The following ADAM32 variants were observed in gnomAD, a reference collection of about 807,000 sequenced individuals.
The protein encoded by ADAM32 is ADAM metallopeptidase domain 32.
In ADAM32, 89 loss-of-function variants were observed where a neutral mutation model predicts 114.9. The ratio of observed to expected loss-of-function variants is 0.77; its 90% confidence interval spans 0.65 to 0.92. The LOEUF is 0.92. ADAM32 is among the 40% of genes least tolerant of loss of function. The pLI is 0.00. For synonymous variants in ADAM32, 285 were observed against 307.5 expected (o/e 0.93, Z 0.77); for missense variants, 870 against 932.8 (o/e 0.93, Z 0.88).
chr8:39,169,590 C>T (rs749356397), intron 9 of ADAM32: 2 of 178,556 alleles, frequency 1.1e-5, no homozygotes, highest in Non-Finnish European at 2.3e-5. Flanking sequence ...CGATTTGTCA[C>T]TGTCACTCAA....
intron 11 of ADAM32, among the ~76,000 whole-genome samples, chr8:39,205,867 G>A (rs768519828): frequency 6.6e-6 from 1 of 151,960 alleles, no homozygotes; most frequent in Non-Finnish European, 1.5e-5. Flanking sequence ...TTTTTCAGAC[G>A]TTTCATAGAT....
chr8:39,172,574 T>C (rs190420646), intron 10 of ADAM32, among the ~76,000 whole-genome samples: 1 of 152,306 alleles, frequency 6.6e-6, no homozygotes, highest in Non-Finnish European at 1.5e-5. Context: ...AGTGAGAACA[T>C]GCAGTGTTTA....
chr8:39,118,456 G>T (rs1840465413), intron 2 of ADAM32, among the ~76,000 whole-genome samples: 2 of 152,020 alleles, frequency 1.3e-5, no homozygotes, highest in Admixed American at 1.3e-4. Context: ...AGCACAAAGA[G>T]AATAATTTTC....
chr8:39,228,752 C>T (rs1809552893), intron 14 of ADAM32, among the ~76,000 whole-genome samples: 1 of 152,164 alleles, frequency 6.6e-6, no homozygotes, highest in South Asian at 2.1e-4. Context: ...GCTTGGAAAA[C>T]ATATTTGGGG....
intron 10 of ADAM32, among the ~76,000 whole-genome samples, chr8:39,180,182 G>A (rs553478749): frequency 6.6e-6 from 1 of 152,350 alleles, no homozygotes; most frequent in African/African-American, 2.4e-5. Flanking sequence ...CCGGGTGGGC[G>A]TGGGCTTGGC....
chr8:39,254,563 T>A, intron 18 of ADAM32, 47 bp downstream of exon 18: 1 of 1,403,226 alleles, frequency 7.1e-7, no homozygotes, highest in South Asian at 1.4e-5. Context: ...ATTCTCAAAT[T>A]GCTTATCTTC....
rs769671159 is a variant in ADAM32, at chr8:39,211,222, A to G, written c.1131A>G (p.Lys377=). Residue 377 remains lysine (K), a synonymous_variant, in exon 12 of 25, where the codon AAA becomes AAG. Transcript: ENST00000379907. The stretch of plus-strand genomic sequence containing the variant: ...ATTTCATTTCAAATGTGGGTGTCAA[A>G]TGTCTTCAGAATAAGCCACAAATGC... The part of the protein sequence containing the change: ...FQNFISNVGV[K]CLQNKPQMQK... 2 of 1,608,330 alleles carry G rather than the reference A, an allele frequency of 1.2e-6. No individual in the cohort carries two copies. The highest frequency in any genetic ancestry group is 1.7e-5 in the Admixed American group (1 of 58,924).
intron 11 of ADAM32, among the ~76,000 whole-genome samples, chr8:39,208,091 G>A (rs565068341): frequency 6.6e-6 from 1 of 152,022 alleles, no homozygotes; most frequent in Non-Finnish European, 1.5e-5. Context: ...ATACCCAGTT[G>A]TGGATTGCTA....
chr8:39,202,946 G>A (rs1775107617), intron 11 of ADAM32, among the ~76,000 whole-genome samples: 1 of 152,172 alleles, frequency 6.6e-6, no homozygotes, highest in Non-Finnish European at 1.5e-5. Flanking sequence ...GTGGTTTTGA[G>A]TGAGTTTCTT....
chr8:39,140,072 G>A (rs1330941959), intron 3 of ADAM32, among the ~76,000 whole-genome samples: 26 of 152,142 alleles, frequency 1.7e-4, no homozygotes, highest in Non-Finnish European at 1.5e-5. Context: ...AGGAGATTTT[G>A]GGCTGAGATG....
intron 2 of ADAM32, among the ~76,000 whole-genome samples, chr8:39,128,199 G>T (rs1273663796): frequency 3.9e-5 from 6 of 152,252 alleles, no homozygotes; most frequent in African/African-American, 1.4e-4. Flanking sequence ...TAATCTGGTT[G>T]TGCCTGTATT....
intron 11 of ADAM32, among the ~76,000 whole-genome samples, chr8:39,197,372 T>C (rs1807080328): frequency 6.6e-6 from 1 of 151,998 alleles, no homozygotes; most frequent in Non-Finnish European, 1.5e-5. Flanking sequence ...TAATTTTGGG[T>C]TTGGTTTTTT....
chr8:39,240,460 A>G (rs1810485209), intron 16 of ADAM32, among the ~76,000 whole-genome samples: 1 of 152,258 alleles, frequency 6.6e-6, no homozygotes. Context: ...TTAAATGCCT[A>G]CATCGAAAAG....
chr8:39,201,242 C>A (rs571387810), intron 11 of ADAM32, among the ~76,000 whole-genome samples: 2 of 152,278 alleles, frequency 1.3e-5, no homozygotes, highest in East Asian at 1.9e-4. Flanking sequence ...AATATTGATT[C>A]TTCCTACCCA....
At chr8:39,113,310 G>A (rs1233083558) in intron 1 of ADAM32, among the ~76,000 whole-genome samples, 2 of 152,282 alleles carry the variant, frequency 1.3e-5, no homozygotes, top group East Asian at 1.9e-4. Flanking sequence ...AGTGCAGTGG[G>A]TACTGCAGGG....
At chr8:39,151,662 G>A (rs1803839611) in intron 6 of ADAM32, 114 bp downstream of exon 6, 2 of 701,006 alleles carry the variant, frequency 2.9e-6, no homozygotes, top group South Asian at 3.4e-5. Flanking sequence ...TCCTTTCCTT[G>A]TGAACATCTT....
intron 16 of ADAM32, among the ~76,000 whole-genome samples, chr8:39,240,314 C>T (rs1810476273): frequency 6.6e-6 from 1 of 152,174 alleles, no homozygotes; most frequent in Non-Finnish European, 1.5e-5. Context: ...AAGTAGTCTG[C>T]TCCTGAATGA....
intron 20 of ADAM32, 122 bp from the exon 21 acceptor site, chr8:39,274,186 TTTTA>T: frequency 1.1e-6 from 1 of 897,440 alleles, no homozygotes; most frequent in Non-Finnish European, 1.8e-6. Flanking sequence ...TTGGACATCA[TTTTA>T]TTTATTAGTA....
At chr8:39,192,803 G>A (rs1564569861) in intron 11 of ADAM32, among the ~76,000 whole-genome samples, 1 of 152,056 alleles carries the variant, frequency 6.6e-6, no homozygotes, top group Non-Finnish European at 1.5e-5. Flanking sequence ...TGAAATTCTT[G>A]GTTGGAATTT....
Sources: gnomAD v4.1 joint callset for allele counts (sites outside exome capture counted in the v4.1 genomes callset) on GRCh38, gnomAD v4.1.1 for gene constraint, MANE v1.5 for transcripts, NCBI Gene and HGNC (gene_info 2026-07-23, HGNC 2026-07-21) for gene names.